The following NLGN1 variants were observed in gnomAD, a reference collection of about 807,000 sequenced individuals.
NLGN1 encodes the protein neuroligin 1.
A neutral mutation model predicts 65.5 loss-of-function variants in NLGN1; 12 were observed. The observed-to-expected ratio is 0.18, with a 90% CI of 0.12 to 0.30. The LOEUF (loss-of-function observed/expected upper bound fraction) is 0.30. Among genes scored for constraint, NLGN1 ranks in the 10% least tolerant of loss-of-function variants. The pLI is 1.00. For missense variants in NLGN1, 750 were observed against 1,007.1 expected (o/e 0.74, Z 3.46); for synonymous variants, 350 against 359.5 (o/e 0.97, Z 0.30).
intron 3 of NLGN1, among the ~76,000 whole-genome samples, chr3:173,794,261 A>G (rs182201059): frequency 1.4e-4 from 22 of 152,228 alleles, no homozygotes; most frequent in African/African-American, 3.9e-4. Flanking sequence ...CACAATTTAT[A>G]AGTGTATGTG....
intron 3 of NLGN1, among the ~76,000 whole-genome samples, chr3:173,613,900 T>G (rs1403653015): frequency 6.6e-6 from 1 of 151,944 alleles, no homozygotes; most frequent in African/African-American, 2.4e-5. Context: ...TAGAAAAATC[T>G]GATTAATGAA....
At chr3:173,803,000 G>A (rs1443111996) in intron 3 of NLGN1, among the ~76,000 whole-genome samples, 1 of 151,902 alleles carries the variant, frequency 6.6e-6, no homozygotes, top group Non-Finnish European at 1.5e-5. Flanking sequence ...CTGCCACCAT[G>A]CCCAGCTAAT....
chr3:173,833,376 A>G (rs1722972358), intron 4 of NLGN1, among the ~76,000 whole-genome samples: 1 of 152,072 alleles, frequency 6.6e-6, no homozygotes, highest in Admixed American at 6.5e-5. Flanking sequence ...TTTTCCTTCC[A>G]TGGATTGCTT....
chr3:173,900,858 G>A (rs1379379459), intron 4 of NLGN1, among the ~76,000 whole-genome samples: 1 of 151,950 alleles, frequency 6.6e-6, no homozygotes, highest in Admixed American at 6.6e-5. Flanking sequence ...AGAACCTCTG[G>A]TAGGGGAGCA....
intron 4 of NLGN1, among the ~76,000 whole-genome samples, chr3:174,097,844 C>T (rs1312174698): frequency 1.3e-5 from 2 of 152,146 alleles, no homozygotes; most frequent in Admixed American, 6.5e-5. Flanking sequence ...CATTATCACT[C>T]CAACACCAGT....
chr3:173,949,390 A>T (rs1279233461), intron 4 of NLGN1, among the ~76,000 whole-genome samples: 1 of 152,180 alleles, frequency 6.6e-6, no homozygotes, highest in Admixed American at 6.5e-5. Flanking sequence ...TGTAAATAAG[A>T]CATAATTAGA....
chr3:173,707,805 A>G (rs1333231857), intron 3 of NLGN1, among the ~76,000 whole-genome samples: 1 of 152,220 alleles, frequency 6.6e-6, no homozygotes, highest in Non-Finnish European at 1.5e-5. Context: ...GCCTGCTGCC[A>G]ATATTAATCC....
intron 4 of NLGN1, among the ~76,000 whole-genome samples, chr3:174,274,408 C>A (rs946818647): frequency 6.6e-5 from 10 of 151,764 alleles, no homozygotes; most frequent in African/African-American, 2.2e-4. Context: ...ATATGTAAAA[C>A]AGTTACTCAG....
intron 4 of NLGN1, among the ~76,000 whole-genome samples, chr3:174,271,601 A>G (rs926179167): frequency 1.3e-5 from 2 of 151,720 alleles, no homozygotes; most frequent in African/African-American, 2.4e-5. Flanking sequence ...CCCATGTTCA[A>G]TTACCTGGTT....
rs184936614 is a variant in NLGN1 at position 173,779,635 on chromosome 3, G to A, written c.494-28045G>A. 7.5e-3 allele frequency among the ~76,000 whole-genome samples: 1,134 copies of A among 152,144 alleles called. 18 individuals carry two copies. Among genetic ancestry groups the A allele is most frequent in the African/African-American group, 0.025 (1,027 of 41,530 alleles). On this transcript the variant is annotated intron_variant, in intron 3 of 6. Transcript: ENST00000457714. ...TGGACAAGCATCAAATCAACTGAAA[G>A]CAGTGGGACAGAGACCTAGTGTTAA...
At chr3:173,934,413 G>A (rs912320649) in intron 4 of NLGN1, among the ~76,000 whole-genome samples, 7 of 151,132 alleles carry the variant, frequency 4.6e-5, no homozygotes, top group Admixed American at 1.3e-4. Flanking sequence ...GAATAATGAC[G>A]TCAATAGTAA....
intron 4 of NLGN1, among the ~76,000 whole-genome samples, chr3:174,165,731 ACT>A (rs1420071796): frequency 1.3e-5 from 2 of 151,742 alleles, no homozygotes; most frequent in East Asian, 1.9e-4. Context: ...TACAGAGGAG[ACT>A]CTACTCCTCA....
At chr3:173,973,088 A>G (rs1716635757) in intron 4 of NLGN1, among the ~76,000 whole-genome samples, 1 of 152,126 alleles carries the variant, frequency 6.6e-6, no homozygotes, top group African/African-American at 2.4e-5. Flanking sequence ...TAAAATGAGG[A>G]TAACTAGCAA....
At chr3:173,601,574 GT>G (rs1391056988) in intron 2 of NLGN1, among the ~76,000 whole-genome samples, 6 of 151,830 alleles carry the variant, frequency 4.0e-5, no homozygotes, top group Non-Finnish European at 7.4e-5. Flanking sequence ...GATATTTTGG[GT>G]TTAGGTCCTT....
At chr3:173,994,198 C>A (rs184633806) in intron 4 of NLGN1, among the ~76,000 whole-genome samples, 1 of 152,054 alleles carries the variant, frequency 6.6e-6, no homozygotes, top group Non-Finnish European at 1.5e-5. Flanking sequence ...GCCTTGACCT[C>A]CCAGGCTCAA....
At chr3:173,825,691 G>C (rs534136103) in intron 4 of NLGN1, among the ~76,000 whole-genome samples, 2 of 151,952 alleles carry the variant, frequency 1.3e-5, no homozygotes, top group African/African-American at 4.8e-5. Context: ...CATCTGAAAG[G>C]ATTAGATCTA....
intron 3 of NLGN1, among the ~76,000 whole-genome samples, chr3:173,762,521 T>G (rs1192612867): frequency 6.6e-6 from 1 of 152,098 alleles, no homozygotes; most frequent in African/African-American, 2.4e-5. Flanking sequence ...CTTTACTTTC[T>G]TATGTCTTAA....
intron 4 of NLGN1, among the ~76,000 whole-genome samples, chr3:173,837,426 G>T (rs11914705): frequency 0.023 from 3,551 of 152,034 alleles, 164 homozygotes; most frequent in African/African-American, 0.08. Flanking sequence ...ACATAGACAA[G>T]GCTTTGTTCT....
chr3:173,974,597 C>T (rs962379816), intron 4 of NLGN1, among the ~76,000 whole-genome samples: 5 of 151,898 alleles, frequency 3.3e-5, no homozygotes, highest in African/African-American at 1.2e-4. Flanking sequence ...TTTTTAGAAA[C>T]ATATGAATAA....
Sources: gnomAD v4.1 joint callset for allele counts (sites outside exome capture counted in the v4.1 genomes callset) on GRCh38, gnomAD v4.1.1 for gene constraint, MANE v1.5 for transcripts, NCBI Gene and HGNC (gene_info 2026-07-23, HGNC 2026-07-21) for gene names.